The following L3MBTL4 variants were observed in gnomAD, a reference collection of about 807,000 sequenced individuals.
L3MBTL4 encodes lethal(3)malignant brain tumor-like protein 4.
L3MBTL4 carries 70 observed loss-of-function variants against 84.5 expected under a neutral mutation model. The observed-to-expected ratio is 0.83, with a 90% CI of 0.68 to 1.01. The LOEUF (loss-of-function observed/expected upper bound fraction) is 1.01. Ranked by LOEUF, L3MBTL4 falls within the 50% of genes least tolerant of loss-of-function variation. The pLI, the probability that L3MBTL4 is intolerant of heterozygous loss-of-function variation, is 0.00. For missense variants in L3MBTL4, 715 were observed against 754.8 expected (o/e 0.95, Z 0.62); for synonymous variants, 274 against 259.8 (o/e 1.05, Z -0.52).
intron 16 of L3MBTL4, among the ~76,000 whole-genome samples, chr18:6,073,087 A>G (rs979622726): frequency 1.3e-5 from 2 of 150,656 alleles, no homozygotes; most frequent in African/African-American, 4.9e-5. Flanking sequence ...GAAAATCAAC[A>G]CAGCCAAAAA....
At chr18:6,103,022 C>T (rs1037255157) in intron 14 of L3MBTL4, among the ~76,000 whole-genome samples, 1 of 152,168 alleles carries the variant, frequency 6.6e-6, no homozygotes, top group Non-Finnish European at 1.5e-5. Flanking sequence ...GTATAAAGTA[C>T]ACTCAAGGAA....
chr18:6,157,973 G>A (rs1245744088), intron 13 of L3MBTL4, among the ~76,000 whole-genome samples: 2 of 152,148 alleles, frequency 1.3e-5, no homozygotes, highest in Non-Finnish European at 2.9e-5. Context: ...CTTGGCCTGT[G>A]TCTCTCCTAC....
intron 4 of L3MBTL4, among the ~76,000 whole-genome samples, chr18:6,290,013 T>G (rs1019170325): frequency 6.6e-6 from 1 of 152,184 alleles, no homozygotes; most frequent in Admixed American, 6.5e-5. Context: ...TTCAACCTCT[T>G]GAGCTCAAGG....
intron 14 of L3MBTL4, among the ~76,000 whole-genome samples, chr18:6,101,192 T>C (rs2058812472): frequency 6.6e-6 from 1 of 152,160 alleles, no homozygotes; most frequent in Admixed American, 6.5e-5. Flanking sequence ...CCATTGGCTT[T>C]TCCAGGTTTT....
chr18:6,006,230 T>A (rs2054479694), intron 16 of L3MBTL4, among the ~76,000 whole-genome samples: 1 of 152,038 alleles, frequency 6.6e-6, no homozygotes, highest in African/African-American at 2.4e-5. Flanking sequence ...GAACACTGAG[T>A]ATGTATAAGT....
chr18:6,184,278 C>G (rs576535613), intron 12 of L3MBTL4, among the ~76,000 whole-genome samples: 1 of 152,118 alleles, frequency 6.6e-6, no homozygotes, highest in Non-Finnish European at 1.5e-5. Context: ...ACATCCGTCA[C>G]GGTAATTCGA....
chr18:6,213,899 T>C (rs1474149489), intron 11 of L3MBTL4, among the ~76,000 whole-genome samples: 1 of 152,224 alleles, frequency 6.6e-6, no homozygotes, highest in African/African-American at 2.4e-5. Flanking sequence ...GTTCCTATAT[T>C]AGTTTAGTTT....
At chr18:6,277,057 T>C (rs1254321618) in intron 4 of L3MBTL4, among the ~76,000 whole-genome samples, 1 of 150,298 alleles carries the variant, frequency 6.7e-6, no homozygotes, top group Non-Finnish European at 1.5e-5. Context: ...GACTGAGTTC[T>C]TCCTTACCCT....
intron 12 of L3MBTL4, among the ~76,000 whole-genome samples, chr18:6,179,946 C>T (rs1049831928): frequency 6.6e-5 from 10 of 152,088 alleles, no homozygotes; most frequent in South Asian, 2.1e-4. Flanking sequence ...CCCTATATAG[C>T]GCCTCATTTA....
chr18:6,060,502 C>A (rs1234432992), intron 16 of L3MBTL4, among the ~76,000 whole-genome samples: 3 of 151,718 alleles, frequency 2.0e-5, no homozygotes, highest in African/African-American at 7.3e-5. Context: ...CCCCTTTACC[C>A]CTAATCCCAT....
At chr18:6,289,713 T>G (rs1382680625) in intron 4 of L3MBTL4, among the ~76,000 whole-genome samples, 1 of 152,154 alleles carries the variant, frequency 6.6e-6, no homozygotes, top group Non-Finnish European at 1.5e-5. Context: ...TCAGATCCTG[T>G]AACTTGTCAG....
intron 13 of L3MBTL4, among the ~76,000 whole-genome samples, chr18:6,153,129 T>C (rs1370331718): frequency 6.6e-6 from 1 of 152,234 alleles, no homozygotes; most frequent in East Asian, 1.9e-4. Context: ...TTGATTACTA[T>C]AGCTTTGTGC....
intron 16 of L3MBTL4, among the ~76,000 whole-genome samples, chr18:6,065,250 G>T (rs898306279): frequency 1.3e-5 from 2 of 151,840 alleles, no homozygotes; most frequent in Non-Finnish European, 2.9e-5. Context: ...GTTGGATTTG[G>T]TCAGTTAGTA....
At chr18:6,324,922 G>T (rs2051637540) in intron 1 of L3MBTL4, among the ~76,000 whole-genome samples, 1 of 152,180 alleles carries the variant, frequency 6.6e-6, no homozygotes, top group South Asian at 2.1e-4. Context: ...AACTTCATTA[G>T]TAATCAGGAA....
chr18:6,331,732 CA>C (rs1486083947), intron 1 of L3MBTL4, among the ~76,000 whole-genome samples: 1 of 151,784 alleles, frequency 6.6e-6, no homozygotes, highest in East Asian at 1.9e-4. Flanking sequence ...GAAGTAAATA[CA>C]AAATCTGGAA....
chr18:6,287,053 C>T (rs1025578937), intron 4 of L3MBTL4, among the ~76,000 whole-genome samples: 2 of 152,054 alleles, frequency 1.3e-5, no homozygotes, highest in African/African-American at 2.4e-5. Flanking sequence ...TTTCCATAGG[C>T]GCCTGCATAT....
At chr18:6,120,834 C>G (rs1191850279) in intron 14 of L3MBTL4, among the ~76,000 whole-genome samples, 3 of 152,194 alleles carry the variant, frequency 2.0e-5, no homozygotes, top group African/African-American at 7.2e-5. Context: ...CAGCATCCCA[C>G]TGTGTGAACA....
At chr18:6,318,718 C>T (rs561835526) in intron 1 of L3MBTL4, among the ~76,000 whole-genome samples, 2 of 151,944 alleles carry the variant, frequency 1.3e-5, no homozygotes, top group South Asian at 2.1e-4. Flanking sequence ...CACTAGACAG[C>T]TCATCGAGAC....
At chr18:5,956,776 T>C (rs1310686912) in intron 18 of L3MBTL4, among the ~76,000 whole-genome samples, 1 of 152,210 alleles carries the variant, frequency 6.6e-6, no homozygotes, top group Admixed American at 6.5e-5. Context: ...TATGCTAGTA[T>C]TATTTATAAT....
Sources: allele counts gnomAD v4.1 joint callset (sites outside exome capture counted in the v4.1 genomes callset), GRCh38; gene constraint gnomAD v4.1.1; transcripts MANE v1.5; gene names NCBI Gene and HGNC (gene_info 2026-07-23, HGNC 2026-07-21).